The following PARD3B variants were observed in gnomAD, a reference collection of about 807,000 sequenced individuals.
PARD3B encodes the protein partitioning defective 3 homolog B.
PARD3B carries 103 observed loss-of-function variants against 130.2 expected under a neutral mutation model. The observed-to-expected ratio is 0.79, with a 90% confidence interval of 0.67 to 0.93. The LOEUF is 0.93. Among genes scored for constraint, PARD3B ranks in the 40% least tolerant of loss-of-function variants. The pLI, the probability that PARD3B is intolerant of heterozygous loss-of-function variation, is 0.00. For missense variants in PARD3B, 1,609 were observed against 1,499.2 expected (o/e 1.07, Z -1.21); for synonymous variants, 583 against 553.2 (o/e 1.05, Z -0.76).
At chr2:204,875,706 T>C (rs1410730476) in intron 2 of PARD3B, among the ~76,000 whole-genome samples, 1 of 152,216 alleles carries the variant, frequency 6.6e-6, no homozygotes, top group Non-Finnish European at 1.5e-5. Flanking sequence ...AGAGCAGTTC[T>C]TAATCTGTTT....
rs1391435108 is a variant in PARD3B at position 205,146,211 on chromosome 2, C to A, written c.1435-12511C>A. On this transcript the variant is annotated intron_variant, in intron 10 of 22. Coordinates refer to ENST00000406610, the MANE Select transcript of PARD3B (RefSeq NM_001302769.2). The surrounding 1 kb of genome is among the most constrained non-coding windows in gnomAD (Gnocchi z 4.3). ...ATTCTTGTCCTTGATGTTGTGCTAT[C>A]TTTTAAAGATGTTACATGCAGGTAG... 1.3e-5 allele frequency among the ~76,000 whole-genome samples: 2 copies of A among 152,148 alleles called. No individual in the cohort carries two copies. The highest frequency in any genetic ancestry group is 3.9e-4 in the East Asian group (2 of 5,186).
intron 19 of PARD3B, among the ~76,000 whole-genome samples, chr2:205,434,951 G>A (rs2047460588): frequency 6.6e-6 from 1 of 151,996 alleles, no homozygotes; most frequent in Non-Finnish European, 1.5e-5. Context: ...ACTACCTGTT[G>A]AGTATTATGT....
At chr2:204,996,645 C>G (rs944471892) in intron 3 of PARD3B, among the ~76,000 whole-genome samples, 2 of 150,288 alleles carry the variant, frequency 1.3e-5, no homozygotes, top group African/African-American at 4.9e-5. Flanking sequence ...TTTACCTAAG[C>G]AAGCCTGGGC....
At chr2:204,858,110 A>G (rs953542052) in intron 2 of PARD3B, among the ~76,000 whole-genome samples, 26 of 152,202 alleles carry the variant, frequency 1.7e-4, no homozygotes, top group Non-Finnish European at 1.8e-4. Flanking sequence ...AATGGATTCC[A>G]TAAGTTTAAG....
intron 1 of PARD3B, among the ~76,000 whole-genome samples, chr2:204,650,302 C>A (rs1432867529): frequency 6.6e-6 from 1 of 152,138 alleles, no homozygotes; most frequent in Non-Finnish European, 1.5e-5. Flanking sequence ...ATTGGTGGGA[C>A]TGTAAACTGG....
At chr2:205,273,979 C>A (rs1319451363) in intron 16 of PARD3B, among the ~76,000 whole-genome samples, 1 of 152,110 alleles carries the variant, frequency 6.6e-6, no homozygotes. Flanking sequence ...GGTTGCAGAG[C>A]ACACACCACC....
chr2:204,677,031 C>A lies in PARD3B; in HGVS notation c.121-9150C>A, dbSNP rs2036585556. ...TTCTACCTCTCTATCGTCTATGTATCATTTCTAGAACAGCACAGAAAAAGC... is the reference window on the plus strand; with the variant it reads ...TTCTACCTCTCTATCGTCTATGTATAATTTCTAGAACAGCACAGAAAAAGC... On this transcript the variant is annotated intron_variant, in intron 1 of 22. Transcript: ENST00000406610. The surrounding 1 kb of genome is among the most constrained non-coding windows in gnomAD (Gnocchi z 4.1). 6.6e-6 allele frequency among the ~76,000 whole-genome samples: 1 copy of A among 152,126 alleles called. No homozygotes were observed. Among genetic ancestry groups the A allele is most frequent in the Non-Finnish European group, 1.5e-5 (1 of 68,034 alleles).
chr2:204,755,040 G>A (rs1574900919), intron 2 of PARD3B, among the ~76,000 whole-genome samples: 3 of 152,166 alleles, frequency 2.0e-5, no homozygotes, highest in South Asian at 4.1e-4. Context: ...AGTTATTAGT[G>A]TTGTGTTATT....
chr2:204,875,645 G>T (rs976918408), intron 2 of PARD3B, among the ~76,000 whole-genome samples: 8 of 152,272 alleles, frequency 5.3e-5, no homozygotes, highest in African/African-American at 1.9e-4. Context: ...AAGACTGTAT[G>T]TTGTAACTCT....
At chr2:205,143,605 G>A (rs1014637133) in intron 10 of PARD3B, among the ~76,000 whole-genome samples, 6 of 152,082 alleles carry the variant, frequency 3.9e-5, no homozygotes, top group South Asian at 2.1e-4. Flanking sequence ...ATAACAGCAC[G>A]GGAGAGGAAC....
At chr2:205,320,152 T>G (rs530894796) in intron 18 of PARD3B, among the ~76,000 whole-genome samples, 31 of 116,136 alleles carry the variant, frequency 2.7e-4, no homozygotes, top group Middle Eastern at 9.1e-3. Flanking sequence ...GGCGACAGAG[T>G]GAGACTCCAT....
chr2:205,538,665 G>A (rs1401575272), intron 21 of PARD3B, among the ~76,000 whole-genome samples: 4 of 151,990 alleles, frequency 2.6e-5, no homozygotes, highest in Admixed American at 6.6e-5. Flanking sequence ...TCCCAATACC[G>A]TTTTCGGAAT....
At chr2:205,140,926 T>C (rs2032898539) in intron 10 of PARD3B, among the ~76,000 whole-genome samples, 1 of 152,182 alleles carries the variant, frequency 6.6e-6, no homozygotes. Context: ...TAGTTTTGCA[T>C]TGCTGAAATA....
rs758178660 is a variant in PARD3B, at chr2:205,590,807, A to G, written c.3261-24649A>G. The stretch of plus-strand genomic sequence containing the variant: ...GAAGTAGGATGAGTACCAAATCCCT[A>G]AAAAATGTTCTGTCAAACCAGTACA... On this transcript the variant is annotated intron_variant, in intron 22 of 22. Transcript: ENST00000406610. This position sits in a 1 kb window ranked among gnomAD's most constrained non-coding sequence, Gnocchi z 4.1. Among the ~76,000 whole-genome samples the G allele has an allele frequency of 6.6e-6, 1 of 152,114 alleles. No homozygotes were observed. Among genetic ancestry groups the G allele is most frequent in the African/African-American group, 2.4e-5 (1 of 41,446 alleles).
intron 3 of PARD3B, among the ~76,000 whole-genome samples, chr2:204,990,154 T>G (rs74819940): frequency 6.6e-6 from 1 of 152,106 alleles, no homozygotes. Context: ...AGCTCAAGCA[T>G]ATTTTAATGT....
At chr2:204,861,121 T>G (rs1319198249) in intron 2 of PARD3B, among the ~76,000 whole-genome samples, 1 of 151,696 alleles carries the variant, frequency 6.6e-6, no homozygotes, top group Non-Finnish European at 1.5e-5. Flanking sequence ...CTGCTACAAT[T>G]TTTCATTTGT....
rs1325896017 is a variant in PARD3B, at chr2:205,458,384, G to A, written c.3044+17712G>A. ...AAATATTTGACCTTTCTGTACATGCGTCTTGCTCTCTGTTCGTTTCTGGTT... is the reference window on the plus strand; with the variant it reads ...AAATATTTGACCTTTCTGTACATGCATCTTGCTCTCTGTTCGTTTCTGGTT... On this transcript the variant is annotated intron_variant, in intron 20 of 22. Transcript: ENST00000406610. This position sits in a 1 kb window ranked among gnomAD's most constrained non-coding sequence, Gnocchi z 4.8. Among the ~76,000 whole-genome samples, 3 of 151,760 alleles carry A rather than the reference G, an allele frequency of 2.0e-5. No homozygotes were observed. Among genetic ancestry groups the A allele is most frequent in the Middle Eastern group, 3.4e-3 (1 of 294 alleles).
At chr2:205,217,140 G>A (rs550657843) in intron 15 of PARD3B, among the ~76,000 whole-genome samples, 1 of 152,254 alleles carries the variant, frequency 6.6e-6, no homozygotes, top group South Asian at 2.1e-4. Flanking sequence ...TCATTGGCCA[G>A]GACTATCACA....
chr2:205,612,956 T>A (rs539705908), intron 22 of PARD3B, among the ~76,000 whole-genome samples: 17 of 152,312 alleles, frequency 1.1e-4, no homozygotes, highest in Non-Finnish European at 2.1e-4. Context: ...GCTCGCCGAC[T>A]GTACTGTCAC....
Sources: gnomAD v4.1 joint callset for allele counts (sites outside exome capture counted in the v4.1 genomes callset) on GRCh38, gnomAD v4.1.1 for gene constraint, Gnocchi (gnomAD v3.1) non-coding constraint, MANE v1.5 for transcripts, NCBI Gene and HGNC (gene_info 2026-07-23, HGNC 2026-07-21) for gene names.